Variants in MEIKIN observed in about 807,000 individuals in gnomAD.
MEIKIN encodes meiotic kinetochore factor.
At chr5:131,854,860 A>C in intron 9 of MEIKIN, 26 bp from the exon 10 acceptor site, 1 of 397,336 alleles carries the variant, frequency 2.5e-6, no homozygotes, top group Non-Finnish European at 4.4e-6. Context: ...TAAAACAGGG[A>C]TTGAACAGCA....
At chr5:131,841,607 G>GT (rs1300279316) in intron 11 of MEIKIN, among the ~76,000 whole-genome samples, 4 of 152,088 alleles carry the variant, frequency 2.6e-5, no homozygotes, top group African/African-American at 9.7e-5. Context: ...TTTTAGGATT[G>GT]TTTTTTCTAT....
intron 5 of MEIKIN, among the ~76,000 whole-genome samples, chr5:131,933,144 C>T (rs1751716814): frequency 6.6e-6 from 1 of 151,994 alleles, no homozygotes; most frequent in Non-Finnish European, 1.5e-5. Flanking sequence ...AAAATTCAAG[C>T]AGGGACTTGG....
rs114350785 is a variant in MEIKIN at position 131,901,139 on chromosome 5, C to A, written c.703+10676G>T. On this transcript the variant is annotated intron_variant, in intron 8 of 12. Coordinates refer to ENST00000442687, the MANE Select transcript of MEIKIN (RefSeq NM_001303622.2). ...CACATGGTGACCAACAGACCTACCCCACACCCTGCAAGGCCACTGCCACTC... is the reference window on the plus strand; with the variant it reads ...CACATGGTGACCAACAGACCTACCCAACACCCTGCAAGGCCACTGCCACTC... Among the ~76,000 whole-genome samples, 195 of 152,262 alleles carry A rather than the reference C, an allele frequency of 1.3e-3. 1 individual carries two copies. Among genetic ancestry groups the A allele is most frequent in the African/African-American group, 4.5e-3 (189 of 41,542 alleles).
intron 11 of MEIKIN, among the ~76,000 whole-genome samples, chr5:131,831,801 GA>G (rs1202860371): frequency 6.6e-6 from 1 of 152,136 alleles, no homozygotes; most frequent in Non-Finnish European, 1.5e-5. Flanking sequence ...GACAGCAAGA[GA>G]AAATGAGGAA....
At chr5:131,872,730 G>A (rs1339733816) in intron 9 of MEIKIN, among the ~76,000 whole-genome samples, 15 of 151,402 alleles carry the variant, frequency 9.9e-5, no homozygotes, top group Non-Finnish European at 1.5e-4. Context: ...AGGAAAAAAT[G>A]TTAAGGGCAG....
At chr5:131,897,754 C>A (rs1466275807) in intron 8 of MEIKIN, among the ~76,000 whole-genome samples, 4 of 152,118 alleles carry the variant, frequency 2.6e-5, no homozygotes, top group African/African-American at 7.2e-5. Context: ...ATTTTAGGTC[C>A]TCTCTACACT....
chr5:131,832,314 A>T (rs1384900391), intron 11 of MEIKIN, among the ~76,000 whole-genome samples: 1 of 152,200 alleles, frequency 6.6e-6, no homozygotes, highest in Non-Finnish European at 1.5e-5. Flanking sequence ...AAGTTCCAAC[A>T]TGATATTTTT....
chr5:131,920,660 A>T (rs891038756), intron 6 of MEIKIN, among the ~76,000 whole-genome samples: 1 of 151,736 alleles, frequency 6.6e-6, no homozygotes, highest in Non-Finnish European at 1.5e-5. Context: ...GCACAACATC[A>T]TTTCTGTGGT....
rs1244579399 is a variant in MEIKIN at position 131,945,172 on chromosome 5, C to T, written c.184G>A (p.Gly62Ser). Residue 62 changes from glycine to serine, a missense_variant, in exon 2 of 13, where the codon GGC (glycine) becomes AGC (serine). Gly to Ser is a moderately conservative substitution (Grantham distance 56, BLOSUM62 0). Transcript: ENST00000442687. The part of the protein sequence containing the change: ...KAERSRQGGS[G>S]SGPFSPRLGV... ...GCTACATACCTGAACGGCCCAGAGCCGCTACCTCCCTGCCTGCTCCGCTCT... is the reference window on the plus strand; with the variant it reads ...GCTACATACCTGAACGGCCCAGAGCTGCTACCTCCCTGCCTGCTCCGCTCT... 5.0e-6 allele frequency: 2 copies of T among 399,072 alleles called. No homozygotes were observed. Among genetic ancestry groups the T allele is most frequent in the Non-Finnish European group, 8.8e-6 (2 of 226,156 alleles). 24.7% of individuals were successfully genotyped at this position (399,072 alleles called of 1,614,324 possible).
At chr5:131,916,491 C>T (rs759102040) in intron 7 of MEIKIN, among the ~76,000 whole-genome samples, 8 of 152,196 alleles carry the variant, frequency 5.3e-5, no homozygotes, top group Admixed American at 1.3e-4. Flanking sequence ...AAAGTGCTGT[C>T]GGTACCTCAG....
intron 7 of MEIKIN, among the ~76,000 whole-genome samples, chr5:131,914,314 T>A (rs1286933222): frequency 6.8e-6 from 1 of 147,776 alleles, no homozygotes; most frequent in African/African-American, 2.5e-5. Flanking sequence ...AACCCAGGAG[T>A]TCGAGGTTAC....
chr5:131,849,394 C>A (rs563834024), intron 11 of MEIKIN, among the ~76,000 whole-genome samples: 1 of 140,748 alleles, frequency 7.1e-6, no homozygotes, highest in Non-Finnish European at 1.5e-5. Flanking sequence ...AACCTCTTTT[C>A]TTTATATATA....
At chr5:131,873,001 C>T (rs1750535496) in intron 9 of MEIKIN, among the ~76,000 whole-genome samples, 1 of 152,148 alleles carries the variant, frequency 6.6e-6, no homozygotes. Flanking sequence ...GAAGGAAGCA[C>T]TAAACATGGA....
intron 9 of MEIKIN, among the ~76,000 whole-genome samples, chr5:131,873,159 G>C (rs1031990414): frequency 2.0e-5 from 3 of 152,084 alleles, no homozygotes; most frequent in Non-Finnish European, 2.9e-5. Context: ...TATTAACTTT[G>C]AATGTAAAGG....
At chr5:131,930,005 G>A (rs1317839447) in intron 5 of MEIKIN, among the ~76,000 whole-genome samples, 1 of 152,180 alleles carries the variant, frequency 6.6e-6, no homozygotes, top group African/African-American at 2.4e-5. Context: ...GTGTTCATGT[G>A]TCTTTATAGA....
intron 11 of MEIKIN, among the ~76,000 whole-genome samples, chr5:131,826,886 G>A (rs1250606048): frequency 6.6e-6 from 1 of 152,168 alleles, no homozygotes; most frequent in Non-Finnish European, 1.5e-5. Flanking sequence ...CTGGTCTCAG[G>A]TAGTATCCTT....
chr5:131,836,962 C>A (rs746176932), intron 11 of MEIKIN, among the ~76,000 whole-genome samples: 1 of 151,948 alleles, frequency 6.6e-6, no homozygotes, highest in African/African-American at 2.4e-5. Flanking sequence ...GTCATGAAAT[C>A]TTTGCCTGTT....
intron 11 of MEIKIN, among the ~76,000 whole-genome samples, chr5:131,822,096 C>A (rs534401789): frequency 2.0e-5 from 3 of 152,168 alleles, no homozygotes; most frequent in Non-Finnish European, 4.4e-5. Flanking sequence ...TGTCTAAGTA[C>A]AGCTACTGCT....
intron 11 of MEIKIN, among the ~76,000 whole-genome samples, chr5:131,833,988 GAC>G (rs1052976317): frequency 2.6e-5 from 4 of 152,100 alleles, no homozygotes; most frequent in Non-Finnish European, 2.9e-5. Flanking sequence ...CTTGTCTTCA[GAC>G]ACACTCTACC....
Sources: gnomAD v4.1 joint callset for allele counts (sites outside exome capture counted in the v4.1 genomes callset) on GRCh38, gnomAD v4.1.1 for gene constraint, MANE v1.5 for transcripts, NCBI Gene and HGNC (gene_info 2026-07-23, HGNC 2026-07-21) for gene names.